The following ARHGAP44 variants were observed in gnomAD, a reference collection of about 807,000 sequenced individuals.
The protein encoded by ARHGAP44 is Rho GTPase activating protein 44.
In ARHGAP44, 43 loss-of-function variants were observed where a neutral mutation model predicts 106.8. That is an observed-to-expected ratio of 0.40 (90% CI 0.32 to 0.52). The LOEUF (loss-of-function observed/expected upper bound fraction) is 0.52, where lower values mean the gene tolerates loss of function less well. Among genes scored for constraint, ARHGAP44 ranks in the 20% least tolerant of loss-of-function variants. The pLI is 0.48. For missense variants in ARHGAP44, 866 were observed against 1,050.5 expected (o/e 0.82, Z 2.43); for synonymous variants, 439 against 410.3 (o/e 1.07, Z -0.85).
In ARHGAP44 at chr17:12,958,877, G is replaced by C. The variant is rs368264722; in HGVS notation, c.1503G>C (p.Leu501=). Residue 501 remains leucine, a synonymous_variant, in exon 16 of 21, where the codon CTG becomes CTC. Coordinates refer to ENST00000379672, the MANE Select transcript of ARHGAP44 (RefSeq NM_014859.6). The surrounding 1 kb of genome is among the most constrained non-coding windows in gnomAD (Gnocchi z 4.1). ...GCGTCGCCACGGATAATATGATGCT[G>C]GAGTTTTACAAAAAGGATGGGTATG... ...PLSVATDNMM[L]EFYKKDGLRK... 4 of 1,608,792 alleles carry C rather than the reference G, an allele frequency of 2.5e-6. No individual in the cohort carries two copies. The highest frequency in any genetic ancestry group is 3.4e-6 in the Non-Finnish European group (4 of 1,177,632).
chr17:12,984,040 G>A (rs542815269), intron 19 of ARHGAP44, among the ~76,000 whole-genome samples: 1 of 152,296 alleles, frequency 6.6e-6, no homozygotes, highest in South Asian at 2.1e-4. Flanking sequence ...CACTGGACAG[G>A]TTCAGCCAAA....
At chr17:12,969,522 T>C (rs1169205381) in intron 16 of ARHGAP44, among the ~76,000 whole-genome samples, 4 of 152,228 alleles carry the variant, frequency 2.6e-5, no homozygotes, top group Admixed American at 2.0e-4. Context: ...GAGTTAGTCA[T>C]TGGAAAATCT....
intron 16 of ARHGAP44, among the ~76,000 whole-genome samples, chr17:12,969,233 G>A (rs575107681): frequency 6.6e-6 from 1 of 152,312 alleles, no homozygotes; most frequent in East Asian, 1.9e-4. Flanking sequence ...GTCAGCAGTA[G>A]AGTATCCTTT....
chr17:12,911,243 T>A (rs1318149051), intron 4 of ARHGAP44, among the ~76,000 whole-genome samples: 4 of 151,928 alleles, frequency 2.6e-5, no homozygotes, highest in Non-Finnish European at 5.9e-5. Context: ...AATGACAGAG[T>A]AACGTTGGAA....
In ARHGAP44 at chr17:12,990,156, G is replaced by C. The variant is rs746917080; in HGVS notation, c.2442G>C (p.Glu814Asp). ...AGAGGGACTCGGAGGAGGAGTCTGA[G>C]AGCACCGCCCTCTGACATGACACCG... Reference protein sequence around the residue: ...TDKRDSEEESESTAL With the variant: ...TDKRDSEEESDSTAL Residue 814 changes from glutamate to aspartate, a missense_variant, in exon 21 of 21, where the codon GAG becomes GAC. Physicochemically the swap from Glu to Asp is conservative, Grantham distance 45 (BLOSUM62 2). Around this residue, in one of 2 missense-constraint regions of ARHGAP44, gnomAD observed 418 missense variants for 403.6 expected, o/e 1.04. Transcript: ENST00000379672. The C allele has an allele frequency of 6.2e-7, 1 of 1,612,792 alleles. No individual in the cohort carries two copies. The highest frequency in any genetic ancestry group is 1.1e-5 in the South Asian group (1 of 91,052).
In ARHGAP44 at chr17:12,852,135, G is replaced by A. The variant is rs373238343; in HGVS notation, c.54-42805G>A. On this transcript the variant is annotated intron_variant, in intron 1 of 20. Transcript: ENST00000379672. ...AGGCTATCTGAACCTTATCAGATAA[G>A]GTTCAAATAAGGTTAAAGTCTATCC... Among the ~76,000 whole-genome samples the A allele has an allele frequency of 1.0e-3, 147 of 145,352 alleles. 2 individuals are homozygous for A. In the East Asian group the frequency reaches 0.028, roughly 28 times the overall value.
At chr17:12,954,943 A>G (rs2039090500) in intron 13 of ARHGAP44, among the ~76,000 whole-genome samples, 3 of 152,154 alleles carry the variant, frequency 2.0e-5, no homozygotes, top group Non-Finnish European at 2.9e-5. Flanking sequence ...TTTTGCAACT[A>G]TTACTGGTGT....
chr17:12,940,996 G>A, intron 7 of ARHGAP44, 60 bp from the exon 8 acceptor site: 1 of 1,439,870 alleles, frequency 6.9e-7, no homozygotes, highest in South Asian at 1.2e-5. Flanking sequence ...GTTGACTTAT[G>A]CATTAGCCAC....
intron 1 of ARHGAP44, among the ~76,000 whole-genome samples, chr17:12,867,860 C>T (rs1237641613): frequency 2.6e-5 from 4 of 152,132 alleles, no homozygotes; most frequent in South Asian, 2.1e-4. Flanking sequence ...TAGCACCTAA[C>T]GTATAAGAAA....
chr17:12,804,475 C>A (rs3785733), intron 1 of ARHGAP44, among the ~76,000 whole-genome samples: 24,800 of 152,096 alleles, frequency 0.16, 3,213 homozygotes, highest in African/African-American at 0.35. Flanking sequence ...CTGGGCAAAT[C>A]AGAGTTTTCA....
chr17:12,835,914 G>A (rs907657883), intron 1 of ARHGAP44, among the ~76,000 whole-genome samples: 13 of 152,166 alleles, frequency 8.5e-5, no homozygotes, highest in African/African-American at 3.1e-4. Context: ...TTTGTGTCTG[G>A]CGTATCATTT....
At chr17:12,933,565 C>T (rs2038460550) in intron 7 of ARHGAP44, among the ~76,000 whole-genome samples, 1 of 152,164 alleles carries the variant, frequency 6.6e-6, no homozygotes, top group African/African-American at 2.4e-5. Flanking sequence ...CTCTTTTCTT[C>T]CCAAGGCTTT....
At chr17:12,915,183 C>A (rs990712982) in intron 4 of ARHGAP44, among the ~76,000 whole-genome samples, 17 of 152,206 alleles carry the variant, frequency 1.1e-4, no homozygotes, top group African/African-American at 3.9e-4. Context: ...GGTCTACAGG[C>A]ATGTACCACC....
At chr17:12,952,720 CTCTT>C in intron 13 of ARHGAP44, 139 bp downstream of exon 13, 7 of 331,150 alleles carry the variant, frequency 2.1e-5, no homozygotes, top group South Asian at 1.3e-4. Flanking sequence ...CATGCATGGT[CTCTT>C]TTTTTTTTTT....
intron 1 of ARHGAP44, among the ~76,000 whole-genome samples, chr17:12,829,761 C>T (rs35095595): frequency 0.017 from 2,596 of 152,254 alleles, 48 homozygotes; most frequent in Middle Eastern, 0.088. Flanking sequence ...ATGTCATTTT[C>T]TTCATGTGGC....
intron 5 of ARHGAP44, among the ~76,000 whole-genome samples, chr17:12,918,256 A>C (rs1441331983): frequency 6.6e-6 from 1 of 152,084 alleles, no homozygotes; most frequent in Non-Finnish European, 1.5e-5. Context: ...GGACAGTTAC[A>C]CTTCTCCTTC....
chr17:12,957,085 A>G (rs2143158639), intron 15 of ARHGAP44, among the ~76,000 whole-genome samples: 1 of 152,084 alleles, frequency 6.6e-6, no homozygotes, highest in South Asian at 2.1e-4. Flanking sequence ...CTACCCACTG[A>G]GTAGCTGGGA....
chr17:12,841,594 T>TCTCTCTCTCTCTCACACA lies in ARHGAP44; in HGVS notation c.53+51704_53+51705insTCTCTCTCTCTCACACAC, dbSNP rs1417307080. On this transcript the variant is annotated intron_variant, in intron 1 of 20. Transcript: ENST00000379672. ...GAGACCCTGTCTCTCTGTCTCTCTCTCACACACACACACACACACACACAC... is the reference window on the plus strand; with the variant it reads ...GAGACCCTGTCTCTCTGTCTCTCTCTCTCTCTCTCTCTCACACACACACACACACACACACACACACAC... Among the ~76,000 whole-genome samples, 338 of 126,500 alleles carry TCTCTCTCTCTCTCACACA rather than the reference T, an allele frequency of 2.7e-3. 6 individuals carry two copies. The highest frequency in any genetic ancestry group is 6.5e-3 in the African/African-American group (187 of 28,666). 83.0% of individuals were successfully genotyped at this position (126,500 alleles called of 152,430 possible).
rs781498076 is a variant in ARHGAP44 at position 12,843,207 on chromosome 17, C to T, written c.54-51733C>T. ...TGCTGGCAGTTGGCTGGCCTTAAGG[C>T]GTCCTGAACTCTTTCTAATGCTAAA... On this transcript the variant is annotated intron_variant, in intron 1 of 20. Coordinates refer to ENST00000379672, the MANE Select transcript of ARHGAP44 (RefSeq NM_014859.6). 2.0e-5 allele frequency among the ~76,000 whole-genome samples: 3 copies of T among 152,206 alleles called. 1 individual carries two copies. The highest frequency in any genetic ancestry group is 1.3e-4 in the Admixed American group (2 of 15,290).
Sources: gnomAD v4.1 joint callset for allele counts (sites outside exome capture counted in the v4.1 genomes callset) on GRCh38, gnomAD v4.1.1 for gene constraint, gnomAD v4.1.1 regional missense constraint, Gnocchi (gnomAD v3.1) non-coding constraint, MANE v1.5 for transcripts, NCBI Gene and HGNC (gene_info 2026-07-23, HGNC 2026-07-21) for gene names.